CSF3R: variants seen among roughly 807,000 people sequenced by gnomAD.
The protein encoded by CSF3R is granulocyte colony-stimulating factor receptor.
Under a neutral mutation model 84.4 loss-of-function variants are expected in CSF3R, and 52 were observed. The ratio of observed to expected loss-of-function variants is 0.62; its 90% CI spans 0.49 to 0.78. The LOEUF (loss-of-function observed/expected upper bound fraction) is 0.78, where lower values mean the gene tolerates loss of function less well. CSF3R is among the 30% of genes least tolerant of loss of function. The pLI, the probability that CSF3R is intolerant of heterozygous loss-of-function variation, is 0.00. For missense variants in CSF3R, 890 were observed against 1,055.7 expected (o/e 0.84, Z 2.17); for synonymous variants, 384 against 429.1 (o/e 0.89, Z 1.30).
At chr1:36,469,295 C>G in intron 11 of CSF3R, 38 bp from the exon 12 acceptor site, 1 of 1,501,204 alleles carries the variant, frequency 6.7e-7, no homozygotes, top group Non-Finnish European at 9.3e-7. Flanking sequence ...TCTGTTAGGG[C>G]CTAACCTGTG....
chr1:36,466,854 C>T lies in CSF3R; in HGVS notation c.2041-27G>A. 1 of 1,614,138 alleles carries T rather than the reference C, an allele frequency of 6.2e-7. No individual in the cohort carries two copies. Among genetic ancestry groups the T allele is most frequent in the Non-Finnish European group, 8.5e-7 (1 of 1,180,004 alleles). ...TGCACACAAGGATGTGGGGTGAGAG[C>T]ACGGCTCATTTCAGATGTCTGCCCC... On this transcript the variant is annotated intron_variant, in intron 16 of 16. Coordinates refer to ENST00000373106, the MANE Select transcript of CSF3R (RefSeq NM_000760.4). This position sits in a 1 kb window ranked among gnomAD's most constrained non-coding sequence, Gnocchi z 4.6.
chr1:36,479,299 A>G, intron 3 of CSF3R, 134 bp downstream of exon 3: 3 of 917,270 alleles, frequency 3.3e-6, no homozygotes, highest in Non-Finnish European at 3.5e-6. Flanking sequence ...GCTACCCCAC[A>G]TCTGTGGCTC....
At position 36,471,524 on chromosome 1, in the gene CSF3R, G is replaced by A. The variant is rs530025020; in HGVS notation, c.1194C>T (p.His398=). ...CNTTELSCTF[H]LPSEAQEVAL... ...CCACCTCCTGGGCTTCTGAAGGCAG[G>A]TGGAAGGTGCAGCTGAGCTCTGTGG... The change falls in exon 10 of 17, where the codon CAC becomes CAT. Residue 398 remains histidine, a synonymous_variant. Transcript: ENST00000373106. The A allele has an allele frequency of 6.2e-7, 1 of 1,614,268 alleles. No homozygotes were observed. Among genetic ancestry groups the A allele is most frequent in the South Asian group, 1.1e-5 (1 of 91,090 alleles).
At chr1:36,474,211 T>C (rs886586106) in intron 4 of CSF3R, among the ~76,000 whole-genome samples, 1 of 152,110 alleles carries the variant, frequency 6.6e-6, no homozygotes, top group Non-Finnish European at 1.5e-5. Context: ...CCTGTGATCT[T>C]GAAGTTATTT....
rs781034943 is a variant in CSF3R, at chr1:36,467,670, C to G, written c.1865-19G>C. The G allele has an allele frequency of 3.7e-6, 6 of 1,613,778 alleles. No individual in the cohort carries two copies. The highest frequency in any genetic ancestry group is 3.3e-5 in the Admixed American group (2 of 60,002). On this transcript the variant is annotated intron_variant, in intron 14 of 16. Transcript: ENST00000373106. The surrounding 1 kb of genome is among the most constrained non-coding windows in gnomAD (Gnocchi z 4.1). The stretch of plus-strand genomic sequence containing the variant: ...GACCCCTCTGCAGTGAGGGCAGGGC[C>G]GGAAGAAGTTAGAATGCATGTTGGG...
Position 36,473,562 on chromosome 1 carries a change from C to T in CSF3R, c.546G>A (p.Gly182=). ...DSILDCVPKD[G]QSHCCIPRKH... Reference sequence around the variant, plus strand: ...TGCGTGGGATGCAGCAGTGGCTCTGCCCGTCCTTGGGCACGCAGTCCAGGA... The same window carrying T: ...TGCGTGGGATGCAGCAGTGGCTCTGTCCGTCCTTGGGCACGCAGTCCAGGA... The change falls in exon 6 of 17, where the codon GGG becomes GGA. Residue 182 remains glycine (G), a synonymous_variant. Coordinates refer to ENST00000373106, the MANE Select transcript of CSF3R (RefSeq NM_000760.4). The T allele has an allele frequency of 6.2e-7, 1 of 1,614,148 alleles. No homozygotes were observed. Among genetic ancestry groups the T allele is most frequent in the Non-Finnish European group, 8.5e-7 (1 of 1,180,048 alleles).
intron 11 of CSF3R, 46 bp downstream of exon 11, chr1:36,469,606 C>G (rs770239807): frequency 6.2e-7 from 1 of 1,608,732 alleles, no homozygotes; most frequent in Non-Finnish European, 8.5e-7. Context: ...ATAAGCACTG[C>G]CTCCCTTTGT....
chr1:36,473,723 G>T, intron 5 of CSF3R, 41 bp downstream of exon 5: 1 of 1,614,108 alleles, frequency 6.2e-7, no homozygotes, highest in Non-Finnish European at 8.5e-7. Flanking sequence ...CCCTACCCCA[G>T]AATCCAAAGG....
intron 1 of CSF3R, among the ~76,000 whole-genome samples, chr1:36,482,413 G>A (rs1365024811): frequency 1.3e-5 from 2 of 152,040 alleles, no homozygotes; most frequent in Non-Finnish European, 2.9e-5. Flanking sequence ...CAGAGAGATA[G>A]CAAGCCAGAG....
rs760949796 is a variant in CSF3R at position 36,466,324 on chromosome 1, G to A, written c.*33C>T. ...TTCTCCAGCTAGCTCAGGCCTTTAA[G>A]AGGCAGGCCCAAGAAGGGAACCCCA... On this transcript the variant is annotated 3_prime_UTR_variant, in exon 17 of 17. Transcript: ENST00000373106. This position sits in a 1 kb window ranked among gnomAD's most constrained non-coding sequence, Gnocchi z 4.6. 2 of 1,612,162 alleles carry A rather than the reference G, an allele frequency of 1.2e-6. No individual in the cohort carries two copies. The highest frequency in any genetic ancestry group is 2.2e-5 in the South Asian group (2 of 90,948).
At chr1:36,468,757 G>T (rs1458408345) in intron 12 of CSF3R, 2 of 241,934 alleles carry the variant, frequency 8.3e-6, no homozygotes, top group Non-Finnish European at 1.6e-5. Flanking sequence ...TTTCTGTAGA[G>T]ACAAGGTTGC....
intron 3 of CSF3R, among the ~76,000 whole-genome samples, chr1:36,478,050 G>T (rs896240766): frequency 6.6e-6 from 1 of 152,024 alleles, no homozygotes; most frequent in Admixed American, 6.5e-5. Flanking sequence ...GAGCCACCGC[G>T]CCCGGCCCAG....
In CSF3R at chr1:36,471,646, G is replaced by T; in HGVS notation, c.1072C>A (p.Pro358Thr). 1 of 1,614,092 alleles carries T rather than the reference G, an allele frequency of 6.2e-7. No homozygotes were observed. The highest frequency in any genetic ancestry group is 1.1e-5 in the South Asian group (1 of 91,080). ...DPRTVQLFWK[P>T]VPLEEDSGRI... Reference sequence around the variant, plus strand: ...CCGCTGTCTTCCTCCAGGGGCACTGGCTGTGGGGCACAGGAGGAAAAAGAG... The same window carrying T: ...CCGCTGTCTTCCTCCAGGGGCACTGTCTGTGGGGCACAGGAGGAAAAAGAG... Residue 358 changes from proline (P) to threonine (T), a missense_variant and splice_region_variant, in exon 10 of 17, where the codon CCA becomes ACA. Coordinates refer to ENST00000373106, the MANE Select transcript of CSF3R (RefSeq NM_000760.4).
chr1:36,472,079 T>TG lies in CSF3R; in HGVS notation c.1057dup (p.Gln353ProfsTer60). On this transcript the variant is annotated frameshift_variant, in exon 9 of 17. Coordinates refer to ENST00000373106, the MANE Select transcript of CSF3R (RefSeq NM_000760.4). LOFTEE classifies it high-confidence loss of function. The surrounding 1 kb of genome is among the most constrained non-coding windows in gnomAD (Gnocchi z 5.0). ...AGAGGGAGTCACCTTCCAGAACAGC[T>TG]GCACTGTCCTGGGGTCCAGCTGCCT... 1 of 1,613,592 alleles carries TG rather than the reference T, an allele frequency of 6.2e-7. No homozygotes were observed. Among genetic ancestry groups the TG allele is most frequent in the Non-Finnish European group, 8.5e-7 (1 of 1,179,992 alleles).
At chr1:36,473,273 T>C in intron 6 of CSF3R, 162 bp downstream of exon 6, 1 of 740,326 alleles carries the variant, frequency 1.4e-6, no homozygotes, top group African/African-American at 1.8e-5. Context: ...TCCCCATTTC[T>C]CTGTCTCCAG....
At chr1:36,481,874 G>C (rs921059199) in intron 1 of CSF3R, 4 of 152,812 alleles carry the variant, frequency 2.6e-5, no homozygotes, top group African/African-American at 9.6e-5. Flanking sequence ...CTGTCACTGC[G>C]GCCATCTCTG....
chr1:36,470,670 T>C (rs1227619314), intron 10 of CSF3R, among the ~76,000 whole-genome samples: 2 of 152,224 alleles, frequency 1.3e-5, no homozygotes, highest in African/African-American at 4.8e-5. Context: ...AGTCCCACCT[T>C]GCGAGGACCA....
intron 3 of CSF3R, chr1:36,475,874 C>T (rs1407872128): frequency 1.2e-5 from 7 of 563,260 alleles, no homozygotes; most frequent in Admixed American, 3.2e-5. Flanking sequence ...TGCTGGTAAC[C>T]GTTTATCAGC....
Position 36,466,400 on chromosome 1 carries a change from T to C in CSF3R, c.2468A>G (p.Gln823Arg). 1 of 1,613,570 alleles carries C rather than the reference T, an allele frequency of 6.2e-7. No individual in the cohort carries two copies. The highest frequency in any genetic ancestry group is 8.5e-7 in the Non-Finnish European group (1 of 1,179,974). Residue 823 changes from glutamine (Q) to arginine (R), a missense_variant, in exon 17 of 17, where the codon CAG becomes CGG. Coordinates refer to ENST00000373106, the MANE Select transcript of CSF3R (RefSeq NM_000760.4). This position sits in a 1 kb window ranked among gnomAD's most constrained non-coding sequence, Gnocchi z 4.6. ...FGPLLNFPLL[Q>R]GIRVHGMEAL... ...CTCCATCCCATGGACCCGGATCCCC[T>C]GCAGGAGGGGGAAGTTGAGCAGTGG...
Sources: gnomAD v4.1 joint callset for allele counts (sites outside exome capture counted in the v4.1 genomes callset) on GRCh38, gnomAD v4.1.1 for gene constraint, Gnocchi (gnomAD v3.1) non-coding constraint, MANE v1.5 for transcripts, NCBI Gene and HGNC (gene_info 2026-07-23, HGNC 2026-07-21) for gene names.